Variants in AFF3 observed in about 807,000 individuals in gnomAD.
AFF3 encodes ALF transcription elongation factor 3.
Under a neutral mutation model 129.7 loss-of-function variants are expected in AFF3, and 32 were observed. The observed-to-expected ratio is 0.25, with a 90% CI of 0.19 to 0.33. The LOEUF (loss-of-function observed/expected upper bound fraction) is 0.33, where lower values mean the gene tolerates loss of function less well. Among genes scored for constraint, AFF3 ranks in the 10% least tolerant of loss-of-function variants. AFF3 has a pLI of 1.00. For synonymous variants in AFF3, 644 were observed against 635.4 expected, an observed-to-expected ratio of 1.01 and a Z score of -0.20; for missense variants, 1,373 against 1,592.0, an observed-to-expected ratio of 0.86 and a Z score of 2.34.
At chr2:99,793,899 G>T (rs1489244859) in intron 8 of AFF3, among the ~76,000 whole-genome samples, 2 of 152,014 alleles carry the variant, frequency 1.3e-5, no homozygotes, top group East Asian at 3.9e-4. Flanking sequence ...TTCTTTTTCT[G>T]TTATGAACAT....
intron 8 of AFF3, among the ~76,000 whole-genome samples, chr2:99,797,097 C>T (rs192194219): frequency 2.0e-5 from 3 of 152,122 alleles, no homozygotes; most frequent in East Asian, 3.9e-4. Flanking sequence ...GATCACCATA[C>T]GTGCAAAGAA....
chr2:99,943,135 C>T (rs979613052), intron 7 of AFF3, among the ~76,000 whole-genome samples: 3 of 152,166 alleles, frequency 2.0e-5, no homozygotes, highest in African/African-American at 2.4e-5. Context: ...TCAAAAGGAT[C>T]AACCCCATTG....
chr2:99,670,670 A>T (rs1230036518), intron 12 of AFF3, among the ~76,000 whole-genome samples: 3 of 152,168 alleles, frequency 2.0e-5, no homozygotes, highest in African/African-American at 4.8e-5. Context: ...TTGTGATTAG[A>T]CCAGGTTATA....
rs1017002921 is a variant in AFF3, at chr2:100,037,184, A to C, written c.54-28252T>G. ...ACAGCCAAAATATTAGAAGAAAAAAATCTCAAGGTCCAAGAATAAACAAGT... is the reference window on the plus strand; with the variant it reads ...ACAGCCAAAATATTAGAAGAAAAAACTCTCAAGGTCCAAGAATAAACAAGT... On this transcript the variant is annotated intron_variant, in intron 4 of 24. Transcript: ENST00000672756. Among the ~76,000 whole-genome samples, 5 of 152,138 alleles carry C rather than the reference A, an allele frequency of 3.3e-5. 1 individual carries two copies. In the South Asian group the frequency reaches 1.0e-3, roughly 32 times the overall value.
chr2:99,692,790 C>T (rs1202994687), intron 11 of AFF3, among the ~76,000 whole-genome samples: 1 of 152,214 alleles, frequency 6.6e-6, no homozygotes, highest in East Asian at 1.9e-4. Context: ...TTAAACTCCT[C>T]TGTATCCTCC....
intron 11 of AFF3, among the ~76,000 whole-genome samples, chr2:99,683,855 G>T (rs968305659): frequency 2.0e-5 from 3 of 152,236 alleles, no homozygotes; most frequent in African/African-American, 4.8e-5. Flanking sequence ...GGGAGCAGAA[G>T]CAGAAAAGAA....
chr2:99,676,048 T>A (rs556693690), intron 11 of AFF3, among the ~76,000 whole-genome samples: 5 of 151,056 alleles, frequency 3.3e-5, no homozygotes, highest in Non-Finnish European at 7.4e-5. Flanking sequence ...GAGGGCTAAG[T>A]CATCTGCACG....
intron 4 of AFF3, among the ~76,000 whole-genome samples, chr2:100,082,665 CT>C: frequency 6.6e-6 from 1 of 152,152 alleles, no homozygotes; most frequent in East Asian, 1.9e-4. Flanking sequence ...TACACTACAG[CT>C]ATAAAAGGGA....
At chr2:99,820,919 C>A (rs1457845930) in intron 8 of AFF3, among the ~76,000 whole-genome samples, 4 of 134,108 alleles carry the variant, frequency 3.0e-5, no homozygotes, top group African/African-American at 1.1e-4. Context: ...GTCCCCCAGA[C>A]TGGAGTCCAG....
At chr2:99,800,655 C>A (rs1314747935) in intron 8 of AFF3, among the ~76,000 whole-genome samples, 2 of 152,068 alleles carry the variant, frequency 1.3e-5, no homozygotes, top group African/African-American at 2.4e-5. Flanking sequence ...TATAACTGCC[C>A]CCAAATGGAT....
intron 19 of AFF3, among the ~76,000 whole-genome samples, chr2:99,566,491 T>C (rs1331419505): frequency 6.6e-6 from 1 of 152,190 alleles, no homozygotes; most frequent in Non-Finnish European, 1.5e-5. Flanking sequence ...GAGGTTCCAG[T>C]GAGCTATGAT....
At chr2:99,653,739 C>T (rs534199824) in intron 12 of AFF3, among the ~76,000 whole-genome samples, 4 of 152,214 alleles carry the variant, frequency 2.6e-5, no homozygotes, top group African/African-American at 4.8e-5. Flanking sequence ...CCTTCTGGGC[C>T]GAGAGACAGG....
At position 99,648,907 on chromosome 2, in the gene AFF3, A is replaced by ACTCTCTCTCTCTCTCT. The variant is rs1464965146; in HGVS notation, c.1184+718_1184+719insAGAGAGAGAGAGAGAG. Among the ~76,000 whole-genome samples the ACTCTCTCTCTCTCTCT allele has an allele frequency of 1.5e-4, 6 of 39,310 alleles. No individual in the cohort carries two copies. The South Asian group carries it at 4.8e-3, about 31-fold the overall frequency. The allele number at this position is 39,310 out of a possible 152,430, so 25.8% of individuals were successfully genotyped here. ...CGCGCACACACACACACACACACAC[A>ACTCTCTCTCTCTCTCT]CACACACACACTCTCTCTCTCTCTC... On this transcript the variant is annotated intron_variant, in intron 13 of 24. Coordinates refer to ENST00000672756, the MANE Select transcript of AFF3 (RefSeq NM_001386135.1).
At chr2:99,579,720 A>G (rs1432346268) in intron 17 of AFF3, among the ~76,000 whole-genome samples, 2 of 144,064 alleles carry the variant, frequency 1.4e-5, no homozygotes, top group Non-Finnish European at 3.0e-5. Flanking sequence ...TGCATCTCAA[A>G]TATATATGTA....
At chr2:99,720,138 A>G (rs1678762890) in intron 11 of AFF3, among the ~76,000 whole-genome samples, 1 of 152,126 alleles carries the variant, frequency 6.6e-6, no homozygotes, top group Admixed American at 6.5e-5. Flanking sequence ...TTTTCCTTTT[A>G]ATTGGAGTTT....
At chr2:100,051,187 A>G (rs1686299595) in intron 4 of AFF3, among the ~76,000 whole-genome samples, 1 of 152,152 alleles carries the variant, frequency 6.6e-6, no homozygotes, top group Admixed American at 6.6e-5. Flanking sequence ...GGCAGACATC[A>G]AGCCCCTTTG....
chr2:100,098,625 C>G (rs1690464003), intron 4 of AFF3, among the ~76,000 whole-genome samples: 1 of 134,900 alleles, frequency 7.4e-6, no homozygotes, highest in African/African-American at 2.9e-5. Flanking sequence ...AAAAGAGAAT[C>G]TGGAACACAG....
intron 7 of AFF3, among the ~76,000 whole-genome samples, chr2:99,982,113 C>A (rs537530226): frequency 6.6e-6 from 1 of 152,320 alleles, no homozygotes; most frequent in South Asian, 2.1e-4. Context: ...ACCAAACTAC[C>A]ACCTTCTGGA....
intron 12 of AFF3, 64 bp downstream of exon 12, chr2:99,672,474 A>G (rs1479943214): frequency 1.1e-5 from 17 of 1,534,880 alleles, no homozygotes; most frequent in Admixed American, 1.7e-5. Flanking sequence ...CACCCGGCAC[A>G]GTCCACCAGG....
Sources: allele counts gnomAD v4.1 joint callset (sites outside exome capture counted in the v4.1 genomes callset), GRCh38; gene constraint gnomAD v4.1.1; transcripts MANE v1.5; gene names NCBI Gene and HGNC (gene_info 2026-07-23, HGNC 2026-07-21).